CMKLR1: variants seen among roughly 807,000 people sequenced by gnomAD.
CMKLR1 encodes chemerin-like receptor 1.
CMKLR1 carries 6 observed loss-of-function variants against 8.2 expected under a neutral mutation model. The observed-to-expected ratio is 0.73, with a 90% confidence interval of 0.40 to 1.44. The LOEUF is 1.44. Ranked by LOEUF, CMKLR1 falls within the 40% of genes most tolerant of loss-of-function variation. CMKLR1 has a pLI of 0.02. For synonymous variants in CMKLR1, 178 were observed against 181.2 expected, an observed-to-expected ratio of 0.98 and a Z score of 0.14; for missense variants, 429 against 478.0, an observed-to-expected ratio of 0.90 and a Z score of 0.96.
intron 2 of CMKLR1, among the ~76,000 whole-genome samples, chr12:108,311,680 AG>A (rs1342740494): frequency 1.3e-5 from 2 of 152,170 alleles, no homozygotes; most frequent in Non-Finnish European, 2.9e-5. Flanking sequence ...GGCAGCATAG[AG>A]GGGGAGAGCT....
rs1055823417 is a variant in CMKLR1 at position 108,289,348 on chromosome 12, G to A, written c.*2493C>T. 7.2e-5 allele frequency: 11 copies of A among 152,332 alleles called. No homozygotes were observed. Among genetic ancestry groups the A allele is most frequent in the African/African-American group, 2.7e-4 (11 of 41,470 alleles). The allele number at this position is 152,332 out of a possible 1,614,324, so 9.4% of individuals were successfully genotyped here. On this transcript the variant is annotated 3_prime_UTR_variant, in exon 4 of 4. Coordinates refer to ENST00000550402, the MANE Select transcript of CMKLR1 (RefSeq NM_001142343.2). ...TGACCCATGGAGATGTTCACATGAA[G>A]CTGTGGGGACAAGACTGTATGGGAT...
chr12:108,322,726 A>G (rs1484112832), intron 2 of CMKLR1, among the ~76,000 whole-genome samples: 3 of 152,074 alleles, frequency 2.0e-5, no homozygotes, highest in Admixed American at 6.6e-5. Context: ...TCTACCATGA[A>G]TGGATGCTCC....
intron 2 of CMKLR1, among the ~76,000 whole-genome samples, chr12:108,310,019 G>C (rs964590719): frequency 2.0e-5 from 3 of 152,174 alleles, no homozygotes; most frequent in African/African-American, 7.2e-5. Context: ...AAAGAGAAAG[G>C]GCTGGGGAAA....
intron 2 of CMKLR1, among the ~76,000 whole-genome samples, chr12:108,313,442 G>A (rs752493646): frequency 9.2e-5 from 14 of 152,176 alleles, no homozygotes; most frequent in Non-Finnish European, 1.6e-4. Flanking sequence ...CTCAGTTACA[G>A]CAAATCCACA....
intron 2 of CMKLR1, among the ~76,000 whole-genome samples, chr12:108,311,890 C>T (rs1215307027): frequency 6.6e-6 from 1 of 152,222 alleles, no homozygotes; most frequent in African/African-American, 2.4e-5. Flanking sequence ...AACCAACCTG[C>T]TCCCTGTGCT....
chr12:108,334,752 G>A (rs1892182703), intron 1 of CMKLR1, among the ~76,000 whole-genome samples: 1 of 152,190 alleles, frequency 6.6e-6, no homozygotes, highest in Admixed American at 6.5e-5. Context: ...TGAGCTGTGT[G>A]ACCTTAGGCA....
intron 2 of CMKLR1, among the ~76,000 whole-genome samples, chr12:108,306,500 A>C (rs996416451): frequency 6.6e-6 from 1 of 151,308 alleles, no homozygotes; most frequent in Non-Finnish European, 1.5e-5. Context: ...AGTTCTTCCC[A>C]TTTTGTCCTC....
At position 108,289,103 on chromosome 12, in the gene CMKLR1, G is replaced by C. The variant is rs538030039; in HGVS notation, c.*2738C>G. ...CTGGGACCTTTCTGTCCCCTCTCCTGTCCCTCCCCTATCCTCAAACACCAT... is the reference window on the plus strand; with the variant it reads ...CTGGGACCTTTCTGTCCCCTCTCCTCTCCCTCCCCTATCCTCAAACACCAT... On this transcript the variant is annotated 3_prime_UTR_variant, in exon 4 of 4. Coordinates refer to ENST00000550402, the MANE Select transcript of CMKLR1 (RefSeq NM_001142343.2). The C allele has an allele frequency of 6.6e-6, 1 of 152,128 alleles. No individual in the cohort carries two copies. The highest frequency in any genetic ancestry group is 1.5e-5 in the Non-Finnish European group (1 of 68,116). 9.4% of individuals were successfully genotyped at this position (152,128 alleles called of 1,614,324 possible).
In CMKLR1 at chr12:108,291,038, G is replaced by A. The variant is rs921747857; in HGVS notation, c.*803C>T. On this transcript the variant is annotated 3_prime_UTR_variant, in exon 4 of 4. Coordinates refer to ENST00000550402, the MANE Select transcript of CMKLR1 (RefSeq NM_001142343.2). ...CCCCCAGGTAAGAGGGGCAAGGTGAGATCAGGGGCTGGCACCACCCTGACG... is the reference window on the plus strand; with the variant it reads ...CCCCCAGGTAAGAGGGGCAAGGTGAAATCAGGGGCTGGCACCACCCTGACG... 1 of 152,366 alleles carries A rather than the reference G, an allele frequency of 6.6e-6. No homozygotes were observed. Among genetic ancestry groups the A allele is most frequent in the African/African-American group, 2.4e-5 (1 of 41,476 alleles). 9.4% of individuals were successfully genotyped at this position (152,366 alleles called of 1,614,324 possible).
rs551023968 is a variant in CMKLR1 at position 108,304,321 on chromosome 12, C to T, written c.-73-10657G>A. On this transcript the variant is annotated intron_variant, in intron 2 of 3. Coordinates refer to ENST00000550402, the MANE Select transcript of CMKLR1 (RefSeq NM_001142343.2). The stretch of plus-strand genomic sequence containing the variant: ...ACCCAAGTTCATATGGATCCAGGGC[C>T]TCACCTCCTCTGGCTGTTCCCCTGC... Among the ~76,000 whole-genome samples the T allele has an allele frequency of 1.3e-3, 200 of 152,180 alleles. 1 individual carries two copies. The highest frequency in any genetic ancestry group is 1.8e-3 in the Non-Finnish European group (125 of 68,030).
At chr12:108,305,466 C>T (rs1176870799) in intron 2 of CMKLR1, among the ~76,000 whole-genome samples, 4 of 152,166 alleles carry the variant, frequency 2.6e-5, no homozygotes, top group Non-Finnish European at 5.9e-5. Flanking sequence ...ATACCAGCCT[C>T]CCCCTGGCCT....
intron 2 of CMKLR1, among the ~76,000 whole-genome samples, chr12:108,311,460 A>T (rs545148254): frequency 2.6e-5 from 4 of 152,226 alleles, no homozygotes; most frequent in African/African-American, 9.6e-5. Flanking sequence ...AGGGGAAAAA[A>T]TTTTAATTTA....
chr12:108,314,530 C>T (rs574490711), intron 2 of CMKLR1, among the ~76,000 whole-genome samples: 4 of 152,316 alleles, frequency 2.6e-5, no homozygotes, highest in African/African-American at 9.6e-5. Flanking sequence ...AACTGCAATT[C>T]AGTAAAAGCT....
At chr12:108,316,331 G>A (rs550594518) in intron 2 of CMKLR1, among the ~76,000 whole-genome samples, 3 of 152,092 alleles carry the variant, frequency 2.0e-5, no homozygotes, top group Non-Finnish European at 4.4e-5. Context: ...GGAGGAAGAA[G>A]CAGCACAGCC....
chr12:108,291,208 GC>G lies in CMKLR1; in HGVS notation c.*632del, dbSNP rs1224447022. The G allele has an allele frequency of 6.6e-6, 1 of 152,354 alleles. No individual in the cohort carries two copies. Among genetic ancestry groups the G allele is most frequent in the East Asian group, 1.9e-4 (1 of 5,204 alleles). The allele number at this position is 152,354 out of a possible 1,614,324, so 9.4% of individuals were successfully genotyped here. ...CCTCGTTGCATCCCTCACTTGTCTT[GC>G]CCTTGCAAAGAGCCCACAGGACCTC... On this transcript the variant is annotated 3_prime_UTR_variant, in exon 4 of 4. Coordinates refer to ENST00000550402, the MANE Select transcript of CMKLR1 (RefSeq NM_001142343.2).
chr12:108,329,416 A>G (rs1892053793), intron 2 of CMKLR1, among the ~76,000 whole-genome samples: 1 of 152,206 alleles, frequency 6.6e-6, no homozygotes, highest in Non-Finnish European at 1.5e-5. Context: ...CTGAAGGCCA[A>G]TTCACCCTTT....
intron 2 of CMKLR1, among the ~76,000 whole-genome samples, chr12:108,299,441 T>C (rs1891211498): frequency 6.6e-6 from 1 of 152,170 alleles, no homozygotes; most frequent in African/African-American, 2.4e-5. Context: ...TCAGGCATCC[T>C]TTCTAGGAAG....
At chr12:108,309,980 GA>G (rs1370575983) in intron 2 of CMKLR1, among the ~76,000 whole-genome samples, 1 of 152,174 alleles carries the variant, frequency 6.6e-6, no homozygotes, top group Non-Finnish European at 1.5e-5. Context: ...GTTGGTCACT[GA>G]GTGTGTGGCC....
At position 108,325,789 on chromosome 12, in the gene CMKLR1, C is replaced by G. The variant is rs1439006879; in HGVS notation, c.-74+4206G>C. 3.3e-5 allele frequency among the ~76,000 whole-genome samples: 5 copies of G among 152,352 alleles called. No individual in the cohort carries two copies. The East Asian group carries it at 7.7e-4, about 23-fold the overall frequency. ...CCTGGATAAAATGCACTTCTACCCA[C>G]ACCAGCGCAGCCACCAACACCACAT... On this transcript the variant is annotated intron_variant, in intron 2 of 3. Transcript: ENST00000550402.
Sources: allele counts gnomAD v4.1 joint callset (sites outside exome capture counted in the v4.1 genomes callset), GRCh38; gene constraint gnomAD v4.1.1; transcripts MANE v1.5; gene names NCBI Gene and HGNC (gene_info 2026-07-23, HGNC 2026-07-21).